Variants in ADTRP observed in about 807,000 individuals in gnomAD.
ADTRP encodes the protein androgen-dependent TFPI-regulating protein.
Under a neutral mutation model 27.0 loss-of-function variants are expected in ADTRP, and 20 were observed. The ratio of observed to expected loss-of-function variants is 0.74; its 90% CI spans 0.52 to 1.08. The LOEUF (loss-of-function observed/expected upper bound fraction) is 1.08. Among genes scored for constraint, ADTRP ranks in the 50% least tolerant of loss-of-function variants. The pLI is 0.00. For synonymous variants in ADTRP, 101 were observed against 105.2 expected (o/e 0.96, Z 0.25); for missense variants, 251 against 275.0 (o/e 0.91, Z 0.62).
intron 3 of ADTRP, among the ~76,000 whole-genome samples, chr6:11,755,371 G>C (rs1003686337): frequency 1.3e-5 from 2 of 152,076 alleles, no homozygotes; most frequent in Non-Finnish European, 2.9e-5. Flanking sequence ...GAAGTTCTTT[G>C]AATTGGGATT....
chr6:11,731,009 G>A (rs920798531), intron 4 of ADTRP, among the ~76,000 whole-genome samples: 42 of 152,234 alleles, frequency 2.8e-4, no homozygotes, highest in African/African-American at 9.9e-4. Context: ...ACTGTGCCAG[G>A]TGGGGATGTT....
intron 2 of ADTRP, among the ~76,000 whole-genome samples, 172 bp downstream of exon 2, chr6:11,768,077 C>T (rs1455806994): frequency 6.6e-6 from 1 of 152,190 alleles, no homozygotes; most frequent in East Asian, 1.9e-4. Flanking sequence ...ACTAATGTGC[C>T]ATATTTCCTA....
intron 4 of ADTRP, among the ~76,000 whole-genome samples, chr6:11,734,081 T>C (rs1212157651): frequency 1.3e-5 from 2 of 152,126 alleles, no homozygotes; most frequent in African/African-American, 2.4e-5. Context: ...CCAAAAAAAA[T>C]ACAGCATACA....
In ADTRP at chr6:11,768,525, C is replaced by A. The variant is rs1581368253; in HGVS notation, c.154-142G>T. 4 of 1,114,626 alleles carry A rather than the reference C, an allele frequency of 3.6e-6. No individual in the cohort carries two copies. The East Asian group carries it at 1.0e-4, about 28-fold the overall frequency. The allele number at this position is 1,114,626 out of a possible 1,614,324, so 69.0% of individuals were successfully genotyped here. A position where few individuals can be genotyped will look rare whatever the true frequency, so the allele number is the denominator to read the frequency against. ...GGGTTGTTTTGGTTGAGAGCCAATT[C>A]AAGGGCTGGGCTTCCAGCTCATTGG... On this transcript the variant is annotated intron_variant, in intron 1 of 5. Transcript: ENST00000414691.
At chr6:11,768,881 A>C (rs1001386271) in intron 1 of ADTRP, among the ~76,000 whole-genome samples, 2 of 152,130 alleles carry the variant, frequency 1.3e-5, no homozygotes, top group Admixed American at 6.5e-5. Flanking sequence ...CTCCCAAGAA[A>C]GGCACACAAA....
intron 3 of ADTRP, among the ~76,000 whole-genome samples, chr6:11,762,476 T>C (rs774279693): frequency 6.6e-6 from 1 of 152,212 alleles, no homozygotes; most frequent in African/African-American, 2.4e-5. Flanking sequence ...AGTGAATAAA[T>C]GACAACATAT....
intron 5 of ADTRP, among the ~76,000 whole-genome samples, chr6:11,718,051 T>G (rs1276609551): frequency 6.6e-6 from 1 of 152,170 alleles, no homozygotes; most frequent in Non-Finnish European, 1.5e-5. Context: ...ATCAAGAAAA[T>G]CTGCCTTTTA....
At chr6:11,742,657 T>C (rs1762754824) in intron 3 of ADTRP, among the ~76,000 whole-genome samples, 1 of 152,242 alleles carries the variant, frequency 6.6e-6, no homozygotes, top group Non-Finnish European at 1.5e-5. Context: ...CTAAGCCTCA[T>C]AGTGACCTCA....
At chr6:11,767,129 T>C (rs1046155909) in intron 2 of ADTRP, among the ~76,000 whole-genome samples, 2 of 152,196 alleles carry the variant, frequency 1.3e-5, no homozygotes, top group Non-Finnish European at 2.9e-5. Flanking sequence ...CCTAGCACTT[T>C]GGGAGGCCAA....
rs574196303 is a variant in ADTRP at position 11,735,604 on chromosome 6, G to C, written c.470C>G (p.Thr157Ser). The stretch of plus-strand genomic sequence containing the variant: ...AGCAATGCTGGCAGCAGCCAGCAAG[G>C]TGAGTCCTGTCTTCTTTGATGGATA... ...HSYPSKKTGL[T>S]LLAAASIAYI... Residue 157 changes from threonine to serine, a missense_variant, in exon 4 of 6, where the codon ACC (threonine) becomes AGC (serine). Coordinates refer to ENST00000414691, the MANE Select transcript of ADTRP (RefSeq NM_032744.4). The C allele has an allele frequency of 6.2e-7, 1 of 1,614,076 alleles. No homozygotes were observed. Among genetic ancestry groups the C allele is most frequent in the Admixed American group, 1.7e-5 (1 of 60,030 alleles).
In ADTRP at chr6:11,714,217, ACCAT is replaced by A; in HGVS notation, c.*257_*260del. 1 of 451,400 alleles carries A rather than the reference ACCAT, an allele frequency of 2.2e-6. No homozygotes were observed. The highest frequency in any genetic ancestry group is 4.0e-6 in the Non-Finnish European group (1 of 252,406). The allele number at this position is 451,400 out of a possible 1,614,324, so 28.0% of individuals were successfully genotyped here. A position where few individuals can be genotyped will look rare whatever the true frequency, so the allele number is the denominator to read the frequency against. Reference sequence around the variant, plus strand: ...TTCTTTGGCCAGATTTTAACCAGAGACCATCCTCCACGAAGGTCAAAGATAATTA... The same window carrying A: ...TTCTTTGGCCAGATTTTAACCAGAGACCTCCACGAAGGTCAAAGATAATTA... On this transcript the variant is annotated 3_prime_UTR_variant, in exon 6 of 6. Coordinates refer to ENST00000414691, the MANE Select transcript of ADTRP (RefSeq NM_032744.4).
Position 11,713,676 on chromosome 6 carries a change from T to C in ADTRP, c.*802A>G, listed in dbSNP as rs1488600646. The C allele has an allele frequency of 6.6e-6, 1 of 152,236 alleles. No individual in the cohort carries two copies. Among genetic ancestry groups the C allele is most frequent in the Non-Finnish European group, 1.5e-5 (1 of 68,044 alleles). The allele number at this position is 152,236 out of a possible 1,614,324, so 9.4% of individuals were successfully genotyped here. A position where few individuals can be genotyped will look rare whatever the true frequency, so the allele number is the denominator to read the frequency against. The stretch of plus-strand genomic sequence containing the variant: ...CAGATTCTTCTGCAAGCAAAATTTA[T>C]TACTATACCATTTATTTGATGAATT... On this transcript the variant is annotated 3_prime_UTR_variant, in exon 6 of 6. Transcript: ENST00000414691.
intron 4 of ADTRP, among the ~76,000 whole-genome samples, chr6:11,735,210 A>G (rs554149750): frequency 2.6e-5 from 4 of 152,350 alleles, no homozygotes; most frequent in Admixed American, 6.5e-5. Flanking sequence ...GAATGTAGTT[A>G]GATGCCTCAG....
In ADTRP at chr6:11,766,918, C is replaced by A. The variant is rs540576714; in HGVS notation, c.289-543G>T. Among the ~76,000 whole-genome samples, 3 of 152,334 alleles carry A rather than the reference C, an allele frequency of 2.0e-5. No individual in the cohort carries two copies. In the East Asian group the frequency reaches 5.8e-4, roughly 29 times the overall value. On this transcript the variant is annotated intron_variant, in intron 2 of 5. Coordinates refer to ENST00000414691, the MANE Select transcript of ADTRP (RefSeq NM_032744.4). ...TTTGAATTGATCTCCTCTTGTACTC[C>A]TTGCCTCTCTTGTCAAAGCATCTAT...
chr6:11,754,953 G>T, intron 3 of ADTRP: 2 of 863,110 alleles, frequency 2.3e-6, no homozygotes, highest in South Asian at 5.4e-5. Context: ...ATGGGAGTTT[G>T]GCTCTTTCCT....
At chr6:11,758,762 G>A (rs984033408) in intron 3 of ADTRP, among the ~76,000 whole-genome samples, 1 of 151,812 alleles carries the variant, frequency 6.6e-6, no homozygotes, top group African/African-American at 2.4e-5. Flanking sequence ...AAAGAAAGTG[G>A]CTTTTTAATA....
At chr6:11,758,889 A>C (rs143029156) in intron 3 of ADTRP, among the ~76,000 whole-genome samples, 1 of 152,266 alleles carries the variant, frequency 6.6e-6, no homozygotes, top group Non-Finnish European at 1.5e-5. Flanking sequence ...CTGCTCTGTG[A>C]TAGTTCAGAA....
At chr6:11,734,706 A>ACT (rs200988424) in intron 4 of ADTRP, among the ~76,000 whole-genome samples, 12,115 of 149,846 alleles carry the variant, frequency 0.081, 833 homozygotes, top group South Asian at 0.2. Context: ...TTTGGAATGC[A>ACT]CTCTCTCTCT....
chr6:11,721,176 G>A (rs1000834385), intron 5 of ADTRP, among the ~76,000 whole-genome samples: 2 of 152,240 alleles, frequency 1.3e-5, no homozygotes, highest in Non-Finnish European at 2.9e-5. Flanking sequence ...CCTGGAAGAG[G>A]CGAGTGTTGA....
Sources: allele counts gnomAD v4.1 joint callset (sites outside exome capture counted in the v4.1 genomes callset), GRCh38; gene constraint gnomAD v4.1.1; transcripts MANE v1.5; gene names NCBI Gene and HGNC (gene_info 2026-07-23, HGNC 2026-07-21).